GIPR: variants seen among roughly 807,000 people sequenced by gnomAD.
GIPR encodes the protein GIP-R.
GIPR carries 74 observed loss-of-function variants against 62.2 expected under a neutral mutation model. That is an observed-to-expected ratio of 1.19 (90% CI 0.99 to 1.44). The LOEUF is 1.44. Ranked by LOEUF, GIPR falls within the 40% of genes most tolerant of loss-of-function variation. GIPR has a pLI of 0.00. For synonymous variants in GIPR, 256 were observed against 262.2 expected, an observed-to-expected ratio of 0.98 and a Z score of 0.23; for missense variants, 664 against 611.8, an observed-to-expected ratio of 1.09 and a Z score of -0.90.
chr19:45,675,893 A>C (rs1164833148), intron 7 of GIPR, among the ~76,000 whole-genome samples: 1 of 151,760 alleles, frequency 6.6e-6, no homozygotes, highest in Non-Finnish European at 1.5e-5. Context: ...CTGTTTCAAA[A>C]AAATAAAATG....
At chr19:45,669,615 G>T (rs774101339) in intron 2 of GIPR, 23 bp downstream of exon 2, 10 of 1,564,776 alleles carry the variant, frequency 6.4e-6, no homozygotes, top group Non-Finnish European at 8.6e-6. Flanking sequence ...GGAGCCAGAG[G>T]AGCTCCAGGC....
intron 9 of GIPR, 46 bp from the exon 10 acceptor site, chr19:45,677,664 G>A: frequency 6.9e-7 from 1 of 1,442,242 alleles, no homozygotes. Context: ...GGTGATCGGT[G>A]AGTCTAGAGT....
At chr19:45,674,857 G>A (rs1296661253) in intron 7 of GIPR, 31 bp downstream of exon 7, 3 of 1,607,696 alleles carry the variant, frequency 1.9e-6, no homozygotes, top group Non-Finnish European at 2.6e-6. Flanking sequence ...CCTCCAAATG[G>A]GAATCTTGCT....
rs1023864924 is a variant in GIPR, at chr19:45,677,252, G to C, written c.794-71G>C. ...CCGACAGAGGAATTCCGCGGGTCTT[G>C]GGCCTGGCGGGGCCCGTGAGCGCGC... On this transcript the variant is annotated intron_variant, in intron 8 of 13. Coordinates refer to ENST00000590918, the MANE Select transcript of GIPR (RefSeq NM_000164.4). The C allele has an allele frequency of 2.2e-5, 30 of 1,380,044 alleles. No homozygotes were observed. The South Asian group carries it at 3.6e-4, about 17-fold the overall frequency. 85.5% of individuals were successfully genotyped at this position (1,380,044 alleles called of 1,614,324 possible).
intron 6 of GIPR, 129 bp from the exon 7 acceptor site, chr19:45,674,552 AG>A: frequency 3.7e-6 from 3 of 813,516 alleles, no homozygotes; most frequent in Non-Finnish European, 6.2e-6. Flanking sequence ...GGCTGCAGTG[AG>A]CCCTGATTGT....
chr19:45,677,388 G>A lies in GIPR; in HGVS notation c.854+5G>A. 1.3e-6 allele frequency: 2 copies of A among 1,510,624 alleles called. No individual in the cohort carries two copies. The highest frequency in any genetic ancestry group is 1.8e-6 in the Non-Finnish European group (2 of 1,088,454). 93.6% of individuals were successfully genotyped at this position (1,510,624 alleles called of 1,614,324 possible). A position where few individuals can be genotyped will look rare whatever the true frequency, so the allele number is the denominator to read the frequency against. On this transcript the variant is annotated splice_donor_5th_base_variant and intron_variant, in intron 9 of 13. Transcript: ENST00000590918. ...GTACCTGTACGAGAACACGCAGTGAGTTGCAGGGTCTGGGGCGGGGCGTGG... is the reference window on the plus strand; with the variant it reads ...GTACCTGTACGAGAACACGCAGTGAATTGCAGGGTCTGGGGCGGGGCGTGG...
intron 3 of GIPR, among the ~76,000 whole-genome samples, chr19:45,671,031 G>T (rs1049134207): frequency 6.6e-6 from 1 of 151,982 alleles, no homozygotes; most frequent in Non-Finnish European, 1.5e-5. Context: ...ACGATCTGGG[G>T]CGGGGACTTG....
chr19:45,671,322 C>T lies in GIPR; in HGVS notation c.210C>T (p.Cys70=), dbSNP rs1310737721. ...ACNGSFDMYV[C]WDYAAPNATA... is the part of the protein sequence containing the mutation. ...ACGGGTCCTTCGATATGTACGTCTG[C>T]TGGGACTATGCTGCACCCAATGCCA... is the stretch of plus-strand genomic sequence containing the variant. The change falls in exon 4 of 14, where the codon TGC becomes TGT. Residue 70 remains cysteine (C), a synonymous_variant. Transcript: ENST00000590918. 1.2e-6 allele frequency: 2 copies of T among 1,613,048 alleles called. No homozygotes were observed. Among genetic ancestry groups the T allele is most frequent in the Middle Eastern group, 1.7e-4 (1 of 6,060 alleles).
chr19:45,677,333 G>C lies in GIPR; in HGVS notation c.804G>C (p.Ala268=), dbSNP rs530509663. 6.1e-5 allele frequency: 97 copies of C among 1,594,794 alleles called. 1 individual carries two copies. The highest frequency in any genetic ancestry group is 2.4e-4 in the South Asian group (21 of 89,046). The part of the protein sequence containing the change: ...YYLLLGWGAP[A]LFVIPWVIVR... ...TCGGGGTCTGCACAGGGGCCCCCGCGCTTTTCGTCATTCCCTGGGTGATCG... is the reference window on the plus strand; with the variant it reads ...TCGGGGTCTGCACAGGGGCCCCCGCCCTTTTCGTCATTCCCTGGGTGATCG... The change falls in exon 9 of 14, where the codon GCG becomes GCC. Residue 268 remains alanine (A), a synonymous_variant. Coordinates refer to ENST00000590918, the MANE Select transcript of GIPR (RefSeq NM_000164.4).
Position 45,677,986 on chromosome 19 carries a change from C to T in GIPR, c.1005C>T (p.Tyr335=), listed in dbSNP as rs768697078. Residue 335 remains tyrosine, a synonymous_variant, in exon 11 of 14, where the codon TAC becomes TAT. Coordinates refer to ENST00000590918, the MANE Select transcript of GIPR (RefSeq NM_000164.4). ...LRTRQMRCRD[Y]RLRLARSTLT... ...CACGGCAAATGCGCTGCCGGGATTA[C>T]CGGCTGAGGTGAGGGCATGCGTTGG... The T allele has an allele frequency of 1.2e-6, 2 of 1,613,774 alleles. No individual in the cohort carries two copies. Among genetic ancestry groups the T allele is most frequent in the South Asian group, 1.1e-5 (1 of 91,082 alleles).
intron 7 of GIPR, among the ~76,000 whole-genome samples, chr19:45,675,893 AAAATAAAATG>A (rs1019112605): frequency 6.6e-6 from 1 of 151,760 alleles, no homozygotes; most frequent in African/African-American, 2.4e-5. Flanking sequence ...CTGTTTCAAA[AAAATAAAATG>A]AAATAAAATA....
At chr19:45,671,484 C>A (rs771963663) in intron 4 of GIPR, 92 bp downstream of exon 4, 41 of 803,616 alleles carry the variant, frequency 5.1e-5, no homozygotes, top group Non-Finnish European at 8.5e-5. Flanking sequence ...CCACAGCTCA[C>A]CTGCACCCCT....
At chr19:45,673,691 C>A (rs1454219461) in intron 5 of GIPR, among the ~76,000 whole-genome samples, 1 of 151,964 alleles carries the variant, frequency 6.6e-6, no homozygotes, top group Non-Finnish European at 1.5e-5. Context: ...TGGTGAAACC[C>A]CGTCTCTACT....
chr19:45,681,704 G>A, intron 13 of GIPR, 25 bp from the exon 14 acceptor site: 1 of 1,610,600 alleles, frequency 6.2e-7, no homozygotes, highest in East Asian at 2.2e-5. Context: ...GTACGGCGCC[G>A]CCTCTGAGCG....
At chr19:45,677,301 G>A (rs777296686) in intron 8 of GIPR, 22 bp from the exon 9 acceptor site, 10 of 1,439,136 alleles carry the variant, frequency 6.9e-6, no homozygotes, top group Non-Finnish European at 8.6e-6. Flanking sequence ...GGGGTGGGGG[G>A]GCGGGGTCGG....
chr19:45,674,195 A>C lies in GIPR; in HGVS notation c.488+18A>C, dbSNP rs754153579. On this transcript the variant is annotated intron_variant, in intron 6 of 13. Transcript: ENST00000590918. ...TTGTTCAGGTGGGACCTTAACCCTG[A>C]GTGGTGGCGGCAGAGATGTGAGCTC... 1.3e-6 allele frequency: 2 copies of C among 1,515,504 alleles called. No homozygotes were observed. Among genetic ancestry groups the C allele is most frequent in the Non-Finnish European group, 1.8e-6 (2 of 1,090,286 alleles). 93.9% of individuals were successfully genotyped at this position (1,515,504 alleles called of 1,614,324 possible).
intron 7 of GIPR, 117 bp downstream of exon 7, chr19:45,674,943 G>T (rs775648115): frequency 1.7e-5 from 18 of 1,075,428 alleles, no homozygotes; most frequent in South Asian, 1.4e-4. Flanking sequence ...AGTTGGGAGG[G>T]TCCCTCTCCA....
chr19:45,681,946 C>T lies in GIPR; in HGVS notation c.*11C>T. 2.6e-6 allele frequency: 4 copies of T among 1,553,768 alleles called. No individual in the cohort carries two copies. The South Asian group carries it at 3.6e-5, about 14-fold the overall frequency. ...GAAAGTTACTGCTAGGGGGCGGGATCCCCGTGTCTGTTCAGTTAGCATGGA... is the reference window on the plus strand; with the variant it reads ...GAAAGTTACTGCTAGGGGGCGGGATTCCCGTGTCTGTTCAGTTAGCATGGA... On this transcript the variant is annotated 3_prime_UTR_variant, in exon 14 of 14. Transcript: ENST00000590918.
chr19:45,669,530 TCTCCGATCCTGCAGCTGCTGCTGCGG>T lies in GIPR; in HGVS notation c.14_39del (p.Pro5LeufsTer15). 6.3e-7 allele frequency: 1 copy of T among 1,576,752 alleles called. No individual in the cohort carries two copies. Among genetic ancestry groups the T allele is most frequent in the Non-Finnish European group, 8.6e-7 (1 of 1,164,290 alleles). ...CTTCGCCGCCCTCACGATGACTACC[TCTCCGATCCTGCAGCTGCTGCTGCGG>T]CTCTCACTGTGCGGGCTGCTGCTCC... On this transcript the variant is annotated frameshift_variant, in exon 2 of 14. Transcript: ENST00000590918. LOFTEE classifies it high-confidence loss of function.
Sources: gnomAD v4.1 joint callset for allele counts (sites outside exome capture counted in the v4.1 genomes callset) on GRCh38, gnomAD v4.1.1 for gene constraint, MANE v1.5 for transcripts, NCBI Gene and HGNC (gene_info 2026-07-23, HGNC 2026-07-21) for gene names.